The following CDH4 variants were observed in gnomAD, a reference collection of about 807,000 sequenced individuals.
CDH4 encodes the protein cadherin 4, also known as cadherin-4.
CDH4 carries 33 observed loss-of-function variants against 86.0 expected under a neutral mutation model. The observed-to-expected ratio is 0.38, with a 90% CI of 0.29 to 0.51. CDH4 has a LOEUF of 0.51. Ranked by LOEUF, CDH4 falls within the 20% of genes least tolerant of loss-of-function variation. The pLI is 0.86. For missense variants in CDH4, 1,114 were observed against 1,307.4 expected, an observed-to-expected ratio of 0.85 and a Z score of 2.28; for synonymous variants, 555 against 549.4, an observed-to-expected ratio of 1.01 and a Z score of -0.14.
rs2084993951 is a variant in CDH4, at chr20:61,392,822, A to T, written c.169+137885A>T. Among the ~76,000 whole-genome samples the T allele has an allele frequency of 6.6e-6, 1 of 152,118 alleles. No homozygotes were observed. The highest frequency in any genetic ancestry group is 6.5e-5 in the Admixed American group (1 of 15,284). On this transcript the variant is annotated intron_variant, in intron 2 of 15. Transcript: ENST00000614565. This position sits in a 1 kb window ranked among gnomAD's most constrained non-coding sequence, Gnocchi z 5.7. ...ACTGGCCCCCCACGGTGCTCTAGAA[A>T]TGTCAGATGCATTCGTCTTCCATTA... is the stretch of plus-strand genomic sequence containing the variant.
At chr20:61,738,873 C>T (rs891159966) in intron 2 of CDH4, 3 of 152,530 alleles carry the variant, frequency 2.0e-5, no homozygotes, top group African/African-American at 7.2e-5. Context: ...CCCTGAGGCT[C>T]AGCTTCCTAT....
rs534098845 is a variant in CDH4, at chr20:61,812,613, C to T, written c.577-32055C>T. On this transcript the variant is annotated intron_variant, in intron 4 of 15. Coordinates refer to ENST00000614565, the MANE Select transcript of CDH4 (RefSeq NM_001794.5). ...GTCTTAAAATTTCATGAACACATTC[C>T]CTGCCCCTGGTATGTAATTTAGTCA... is the stretch of plus-strand genomic sequence containing the variant. Among the ~76,000 whole-genome samples, 11 of 152,144 alleles carry T rather than the reference C, an allele frequency of 7.2e-5. No homozygotes were observed. In the South Asian group the frequency reaches 1.5e-3, roughly 20 times the overall value.
At chr20:61,905,422 G>A (rs1235086553) in intron 8 of CDH4, among the ~76,000 whole-genome samples, 1 of 152,226 alleles carries the variant, frequency 6.6e-6, no homozygotes, top group Non-Finnish European at 1.5e-5. Flanking sequence ...GCGTCAGACA[G>A]GCCCTCGCTA....
rs772396782 is a variant in CDH4 at position 61,931,149 on chromosome 20, TGTC to T, written c.2239+1308_2239+1310del. Among the ~76,000 whole-genome samples, 9 of 152,328 alleles carry T rather than the reference TGTC, an allele frequency of 5.9e-5. No individual in the cohort carries two copies. The East Asian group carries it at 1.3e-3, about 23-fold the overall frequency. On this transcript the variant is annotated intron_variant, in intron 13 of 15. Coordinates refer to ENST00000614565, the MANE Select transcript of CDH4 (RefSeq NM_001794.5). Reference sequence around the variant, plus strand: ...TCCTCCTCTCAACCCTCGCTCATCTTGTCTGCCTGGATGAGCCTGGGATGCCAG... The same window carrying T: ...TCCTCCTCTCAACCCTCGCTCATCTTTGCCTGGATGAGCCTGGGATGCCAG...
intron 3 of CDH4, among the ~76,000 whole-genome samples, chr20:61,755,414 TACAC>T (rs1221558748): frequency 9.2e-6 from 1 of 109,108 alleles, no homozygotes; most frequent in East Asian, 3.0e-4. Flanking sequence ...ACACACACCA[TACAC>T]ACAGTGCACG....
At chr20:61,714,592 A>C (rs2087932192) in intron 2 of CDH4, among the ~76,000 whole-genome samples, 1 of 152,130 alleles carries the variant, frequency 6.6e-6, no homozygotes, top group Non-Finnish European at 1.5e-5. Context: ...TTCAGTGTCC[A>C]TTATACCACT....
chr20:61,896,962 C>T (rs1018174774), intron 8 of CDH4, among the ~76,000 whole-genome samples: 1 of 151,998 alleles, frequency 6.6e-6, no homozygotes, highest in Admixed American at 6.5e-5. Flanking sequence ...GAGCAGGTGT[C>T]TCTGCCTTTC....
At position 61,934,236 on chromosome 20, in the gene CDH4, C is replaced by T; in HGVS notation, c.2544+16C>T. ...CATCAATGAGGTGTGTGCCTCTCGG[C>T]AGTGGGGGGCCCGGGCAAGGTGTCT... is the stretch of plus-strand genomic sequence containing the variant. On this transcript the variant is annotated intron_variant, in intron 15 of 15. Transcript: ENST00000614565. 3 of 1,517,456 alleles carry T rather than the reference C, an allele frequency of 2.0e-6. No homozygotes were observed. The highest frequency in any genetic ancestry group is 2.7e-6 in the Non-Finnish European group (3 of 1,130,638). The allele number at this position is 1,517,456 out of a possible 1,614,324, so 94.0% of individuals were successfully genotyped here.
chr20:61,293,576 T>C (rs2084335325), intron 2 of CDH4, among the ~76,000 whole-genome samples: 1 of 152,228 alleles, frequency 6.6e-6, no homozygotes, highest in Non-Finnish European at 1.5e-5. Context: ...TAGCCTTGCA[T>C]GTGTCCCCAT....
At chr20:61,464,848 A>C (rs1371784296) in intron 2 of CDH4, among the ~76,000 whole-genome samples, 1 of 152,210 alleles carries the variant, frequency 6.6e-6, no homozygotes, top group Non-Finnish European at 1.5e-5. Flanking sequence ...AGCTGTTACC[A>C]AACTAATTTT....
chr20:61,300,489 C>T (rs1444197291), intron 2 of CDH4, among the ~76,000 whole-genome samples: 2 of 152,164 alleles, frequency 1.3e-5, no homozygotes, highest in East Asian at 1.9e-4. Flanking sequence ...TCCCTGGGCA[C>T]AGGGCTCCCC....
At chr20:61,558,456 G>C (rs992383057) in intron 2 of CDH4, among the ~76,000 whole-genome samples, 25 of 152,278 alleles carry the variant, frequency 1.6e-4, no homozygotes, top group African/African-American at 6.0e-4. Flanking sequence ...TATTTCTAAT[G>C]CAAAGGGGAT....
At chr20:61,770,603 T>G (rs2023283) in intron 3 of CDH4, among the ~76,000 whole-genome samples, 96,213 of 152,104 alleles carry the variant, frequency 0.63, 30,861 homozygotes, top group East Asian at 0.9. Context: ...ACAGAAAGGG[T>G]TCAGGCGCGG....
chr20:61,364,834 C>T (rs1432953740), intron 2 of CDH4, among the ~76,000 whole-genome samples: 1 of 152,218 alleles, frequency 6.6e-6, no homozygotes, highest in Non-Finnish European at 1.5e-5. Flanking sequence ...TCCCTTGTGG[C>T]TTTCACAGTG....
chr20:61,541,112 G>A (rs921539363), intron 2 of CDH4, among the ~76,000 whole-genome samples: 1 of 152,206 alleles, frequency 6.6e-6, no homozygotes, highest in Admixed American at 6.5e-5. Flanking sequence ...AGCTGTTCAT[G>A]TCTCTTCTGC....
intron 2 of CDH4, among the ~76,000 whole-genome samples, chr20:61,515,851 TCTCGCTCTTTCTCATTTG>T (rs2085815131): frequency 6.6e-6 from 1 of 152,198 alleles, no homozygotes; most frequent in Non-Finnish European, 1.5e-5. Flanking sequence ...GCTCTTGTTC[TCTCGCTCTTTCTCATTTG>T]CTCGCTCGCT....
At chr20:61,717,913 G>T (rs8116540) in intron 2 of CDH4, 10,646 of 152,258 alleles carry the variant, frequency 0.07, 873 homozygotes, top group African/African-American at 0.19. Flanking sequence ...CAGGAGAGTG[G>T]GCTCTGGCAC....
At chr20:61,700,992 A>G (rs2087769519) in intron 2 of CDH4, among the ~76,000 whole-genome samples, 1 of 152,212 alleles carries the variant, frequency 6.6e-6, no homozygotes, top group Non-Finnish European at 1.5e-5. Context: ...TGTAAACAGC[A>G]GAGGTGTATG....
chr20:61,523,954 A>T (rs1056034970), intron 2 of CDH4, among the ~76,000 whole-genome samples: 4 of 152,238 alleles, frequency 2.6e-5, no homozygotes, highest in Non-Finnish European at 5.9e-5. Flanking sequence ...ATGGTGTTAT[A>T]TAAAGAAGCA....
Sources: allele counts gnomAD v4.1 joint callset (sites outside exome capture counted in the v4.1 genomes callset), GRCh38; gene constraint gnomAD v4.1.1; non-coding constraint Gnocchi (gnomAD v3.1); transcripts MANE v1.5; gene names NCBI Gene and HGNC (gene_info 2026-07-23, HGNC 2026-07-21).